Variants in UQCRH observed in about 807,000 individuals in gnomAD.
The protein encoded by UQCRH is ubiquinol-cytochrome c reductase hinge protein, also known as cytochrome b-c1 complex subunit 6, mitochondrial.
A neutral mutation model predicts 16.3 loss-of-function variants in UQCRH; 14 were observed. The observed-to-expected ratio is 0.86, with a 90% CI of 0.57 to 1.34. The LOEUF (loss-of-function observed/expected upper bound fraction) is 1.34, where lower values mean the gene tolerates loss of function less well. Among genes scored for constraint, UQCRH ranks in the 40% most tolerant of loss-of-function variants. The probability of loss-of-function intolerance (pLI) is 0.00; values close to 1 mark genes in which losing one functional copy is unlikely to be tolerated. For synonymous variants in UQCRH, 41 were observed against 41.9 expected (o/e 0.98, Z 0.08); for missense variants, 89 against 111.9 (o/e 0.80, Z 0.92).
rs557347152 is a variant in UQCRH at position 46,311,412 on chromosome 1, A to G, written c.243+1096A>G. Among the ~76,000 whole-genome samples the G allele has an allele frequency of 3.3e-5, 5 of 149,876 alleles. No homozygotes were observed. The East Asian group carries it at 1.0e-3, about 31-fold the overall frequency. On this transcript the variant is annotated intron_variant, in intron 3 of 3. Coordinates refer to ENST00000311672, the MANE Select transcript of UQCRH (RefSeq NM_006004.4). ...GGCTAACACAGCGAAACCCGTCCCT[A>G]CTAAAGTACAAAAAATTAGCCGGGC...
At chr1:46,309,279 A>C in intron 2 of UQCRH, 152 bp downstream of exon 2, 1 of 859,806 alleles carries the variant, frequency 1.2e-6, no homozygotes, top group African/African-American at 1.7e-5. Context: ...TGGAGAGTTT[A>C]GGGTGTGAGC....
intron 3 of UQCRH, among the ~76,000 whole-genome samples, chr1:46,310,863 C>T (rs1055111575): frequency 8.7e-4 from 132 of 151,368 alleles, no homozygotes; most frequent in African/African-American, 3.0e-3. Context: ...GTCAGGAGAT[C>T]GAGACCATCC....
At chr1:46,303,893 G>T in intron 1 of UQCRH, 73 bp downstream of exon 1, 1 of 1,602,506 alleles carries the variant, frequency 6.2e-7, no homozygotes, top group Non-Finnish European at 8.5e-7. Flanking sequence ...AAACACGCAC[G>T]GGGCCCTCTT....
At chr1:46,314,648 G>A (rs1020125282) in intron 3 of UQCRH, among the ~76,000 whole-genome samples, 16 of 150,846 alleles carry the variant, frequency 1.1e-4, no homozygotes, top group South Asian at 4.2e-4. Flanking sequence ...ACTCCACCCT[G>A]GGCAACAAGA....
chr1:46,304,636 CG>C lies in UQCRH; in HGVS notation c.54+818del, dbSNP rs1661330205. 2.0e-5 allele frequency among the ~76,000 whole-genome samples: 3 copies of C among 152,106 alleles called. No individual in the cohort carries two copies. In the South Asian group the frequency reaches 6.2e-4, roughly 32 times the overall value. On this transcript the variant is annotated intron_variant, in intron 1 of 3. Coordinates refer to ENST00000311672, the MANE Select transcript of UQCRH (RefSeq NM_006004.4). ...TCCTGACCTAGTGATCCGCCCACCC[CG>C]GCCTCCCAAAGTCCTGGGATTACAG...
chr1:46,310,855 C>G (rs891380490), intron 3 of UQCRH, among the ~76,000 whole-genome samples: 5 of 151,716 alleles, frequency 3.3e-5, no homozygotes, highest in African/African-American at 1.2e-4. Context: ...ATCATGAGGT[C>G]AGGAGATCGA....
intron 1 of UQCRH, among the ~76,000 whole-genome samples, chr1:46,306,380 G>GT (rs58917170): frequency 0.032 from 4,023 of 125,174 alleles, 240 homozygotes; most frequent in African/African-American, 0.093. Context: ...AACTTTTTCA[G>GT]TTTTTTTTTT....
chr1:46,309,331 TGTG>T (rs1257113315), intron 2 of UQCRH: 4 of 561,690 alleles, frequency 7.1e-6, no homozygotes, highest in East Asian at 3.2e-5. Context: ...CTTCTTCAGT[TGTG>T]GTACCAGGGA....
chr1:46,305,168 T>G (rs1375974880), intron 1 of UQCRH, among the ~76,000 whole-genome samples: 1 of 151,336 alleles, frequency 6.6e-6, no homozygotes, highest in East Asian at 1.9e-4. Flanking sequence ...ATATAAAAAT[T>G]AGCCGGGCAT....
intron 3 of UQCRH, among the ~76,000 whole-genome samples, chr1:46,315,486 C>G (rs1281072594): frequency 6.7e-6 from 1 of 148,488 alleles, no homozygotes; most frequent in Non-Finnish European, 1.5e-5. Context: ...CCCAGCTACT[C>G]AGGAGTCTGA....
At chr1:46,313,642 CAGATAGATAGAT>C (rs140722553) in intron 3 of UQCRH, among the ~76,000 whole-genome samples, 1,526 of 145,870 alleles carry the variant, frequency 0.01, 15 homozygotes, top group Non-Finnish European at 9.1e-3. Context: ...AAAATATAGA[CAGATAGATAGAT>C]AGATAGATAG....
chr1:46,310,425 A>G (rs910149395), intron 3 of UQCRH, 109 bp downstream of exon 3: 2 of 1,503,970 alleles, frequency 1.3e-6, no homozygotes, highest in Non-Finnish European at 9.1e-7. Context: ...TCTGGGCCCA[A>G]TATATGTGAC....
intron 1 of UQCRH, 80 bp from the exon 2 acceptor site, chr1:46,309,021 G>C: frequency 6.8e-7 from 1 of 1,471,434 alleles, no homozygotes; most frequent in Non-Finnish European, 9.5e-7. Context: ...AGTGTCTATC[G>C]TCAGTAATTA....
At chr1:46,312,094 ATT>A (rs780057664) in intron 3 of UQCRH, among the ~76,000 whole-genome samples, 1 of 137,502 alleles carries the variant, frequency 7.3e-6, no homozygotes. Context: ...TGCCTTGGTA[ATT>A]TTTTTTTTTT....
intron 3 of UQCRH, among the ~76,000 whole-genome samples, chr1:46,314,345 A>G (rs1388007820): frequency 6.7e-6 from 1 of 148,334 alleles, no homozygotes. Context: ...CAGCCTGGGT[A>G]CAGAGCAAGA....
intron 3 of UQCRH, among the ~76,000 whole-genome samples, chr1:46,314,395 G>GCA (rs758484792): frequency 6.6e-6 from 1 of 151,824 alleles, no homozygotes; most frequent in Non-Finnish European, 1.5e-5. Flanking sequence ...AAGGGGCTGG[G>GCA]CATAGCAGCT....
intron 3 of UQCRH, among the ~76,000 whole-genome samples, chr1:46,311,762 GT>G (rs1299835146): frequency 2.0e-5 from 3 of 150,140 alleles, no homozygotes; most frequent in Non-Finnish European, 3.0e-5. Flanking sequence ...CCGGCTAATG[GT>G]TTTTTTGTTT....
chr1:46,311,091 A>G (rs1251184583), intron 3 of UQCRH, among the ~76,000 whole-genome samples: 1 of 149,368 alleles, frequency 6.7e-6, no homozygotes, highest in Non-Finnish European at 1.5e-5. Flanking sequence ...AAAAAAAAAT[A>G]ATAATAATAA....
chr1:46,307,294 C>T (rs934522733), intron 1 of UQCRH, among the ~76,000 whole-genome samples: 15 of 152,198 alleles, frequency 9.9e-5, no homozygotes, highest in African/African-American at 3.4e-4. Flanking sequence ...ATCTGGCCAC[C>T]TCAGCCTCCC....
Sources: gnomAD v4.1 joint callset for allele counts (sites outside exome capture counted in the v4.1 genomes callset) on GRCh38, gnomAD v4.1.1 for gene constraint, MANE v1.5 for transcripts, NCBI Gene and HGNC (gene_info 2026-07-23, HGNC 2026-07-21) for gene names.